The following BRAF variants were observed in gnomAD, a reference collection of about 807,000 sequenced individuals.
BRAF encodes B-Raf proto-oncogene, serine/threonine kinase.
Under a neutral mutation model 104.6 loss-of-function variants are expected in BRAF, and 16 were observed. The observed-to-expected ratio is 0.15, with a 90% CI of 0.10 to 0.23. The LOEUF (loss-of-function observed/expected upper bound fraction) is 0.23, where lower values mean the gene tolerates loss of function less well. BRAF is among the 10% of genes least tolerant of loss of function. The pLI, the probability that BRAF is intolerant of heterozygous loss-of-function variation, is 1.00. For synonymous variants in BRAF, 310 were observed against 341.6 expected (o/e 0.91, Z 1.02); for missense variants, 541 against 937.3 (o/e 0.58, Z 5.52).
intron 15 of BRAF, chr7:140,753,812 C>T: frequency 3.1e-6 from 1 of 325,456 alleles, no homozygotes. Context: ...GTTTTTCTCA[C>T]CTCATTGTTA....
rs1481388985 is a variant in BRAF, at chr7:140,782,630, G to A, written c.1434+391C>T. Among the ~76,000 whole-genome samples the A allele has an allele frequency of 3.3e-5, 5 of 152,138 alleles. No individual in the cohort carries two copies. In the East Asian group the frequency reaches 9.6e-4, roughly 29 times the overall value. On this transcript the variant is annotated intron_variant, in intron 11 of 19. Transcript: ENST00000644969. The stretch of plus-strand genomic sequence containing the variant: ...CAGAATGTGCAGGTTTGTTACATAC[G>A]TATACATGTGCCATGGTGGATTCAT...
At chr7:140,904,082 G>C (rs1244761522) in intron 1 of BRAF, among the ~76,000 whole-genome samples, 1 of 152,358 alleles carries the variant, frequency 6.6e-6, no homozygotes, top group South Asian at 2.1e-4. Flanking sequence ...TGAAGCACTG[G>C]CAGATCTGAG....
At chr7:140,798,854 T>A (rs1002197920) in intron 7 of BRAF, among the ~76,000 whole-genome samples, 1 of 152,026 alleles carries the variant, frequency 6.6e-6, no homozygotes, top group Non-Finnish European at 1.5e-5. Flanking sequence ...TTGCATTATT[T>A]TTATTTTTTT....
intron 10 of BRAF, chr7:140,783,571 A>G: frequency 4.3e-6 from 1 of 231,280 alleles, no homozygotes; most frequent in Non-Finnish European, 8.5e-6. Context: ...TATTACCTCA[A>G]CAGCCAATCA....
chr7:140,850,225 T>G lies in BRAF; in HGVS notation c.139-13A>C. 2 of 1,556,994 alleles carry G rather than the reference T, an allele frequency of 1.3e-6. No homozygotes were observed. Among genetic ancestry groups the G allele is most frequent in the Non-Finnish European group, 1.8e-6 (2 of 1,131,092 alleles). On this transcript the variant is annotated splice_polypyrimidine_tract_variant and intron_variant, in intron 1 of 19. Coordinates refer to ENST00000644969, the MANE Select transcript of BRAF (RefSeq NM_001374258.1). The stretch of plus-strand genomic sequence containing the variant: ...TGATATTCCACACCTAAAAAATATT[T>G]CAAAAGAATTTAAATAAAAATCACT...
intron 1 of BRAF, among the ~76,000 whole-genome samples, chr7:140,896,320 AT>A: frequency 1.3e-5 from 2 of 152,108 alleles, no homozygotes; most frequent in Middle Eastern, 6.8e-3. Context: ...AAAAAAATAT[AT>A]TTTTTTCTAA....
At position 140,884,429 on chromosome 7, in the gene BRAF, ATGTGTGTGTGTGTGTGTGTGTGTG is replaced by A. The variant is rs71170770; in HGVS notation, c.139-34241_139-34218del. Among the ~76,000 whole-genome samples the A allele has an allele frequency of 4.7e-5, 6 of 127,528 alleles. No individual in the cohort carries two copies. The South Asian group carries it at 1.5e-3, about 32-fold the overall frequency. 83.7% of individuals were successfully genotyped at this position (127,528 alleles called of 152,430 possible). A position where few individuals can be genotyped will look rare whatever the true frequency, so the allele number is the denominator to read the frequency against. On this transcript the variant is annotated intron_variant, in intron 1 of 19. Transcript: ENST00000644969. ...AGGATCTCTTATATATATATAAGAT[ATGTGTGTGTGTGTGTGTGTGTGTG>A]TGTGTGTGTGTGTGTGTGTGTGTAT...
chr7:140,834,551 C>T, intron 3 of BRAF, 58 bp downstream of exon 3: 1 of 1,594,398 alleles, frequency 6.3e-7, no homozygotes, highest in Non-Finnish European at 8.6e-7. Context: ...TTTTCAACAA[C>T]TGATCTGTCT....
chr7:140,819,653 A>G (rs1805262909), intron 3 of BRAF, among the ~76,000 whole-genome samples: 1 of 152,250 alleles, frequency 6.6e-6, no homozygotes, highest in Non-Finnish European at 1.5e-5. Flanking sequence ...ACTGAGCCAT[A>G]AGAAGGCATG....
chr7:140,877,928 A>G (rs1217594656), intron 1 of BRAF, among the ~76,000 whole-genome samples: 1 of 152,124 alleles, frequency 6.6e-6, no homozygotes, highest in East Asian at 1.9e-4. Flanking sequence ...CTAGTAGCAA[A>G]TTCTATCAGG....
intron 1 of BRAF, among the ~76,000 whole-genome samples, chr7:140,913,773 C>G (rs1280065116): frequency 6.6e-6 from 1 of 152,044 alleles, no homozygotes; most frequent in African/African-American, 2.4e-5. Context: ...TGAGCCACTG[C>G]GCCCGGCCAA....
intron 18 of BRAF, among the ~76,000 whole-genome samples, chr7:140,735,180 A>G (rs1340444296): frequency 1.3e-5 from 2 of 152,234 alleles, no homozygotes; most frequent in African/African-American, 4.8e-5. Context: ...GCACTTTATG[A>G]CTATCTCTAA....
Position 140,820,672 on chromosome 7 carries a change from G to A in BRAF, c.505-11677C>T, listed in dbSNP as rs1805379852. On this transcript the variant is annotated intron_variant, in intron 3 of 19. Coordinates refer to ENST00000644969, the MANE Select transcript of BRAF (RefSeq NM_001374258.1). ...ATATATCTCAGGGCCAGGTGCAGTGGTTCATGCCTATAATCCCAGCACTAT... is the reference window on the plus strand; with the variant it reads ...ATATATCTCAGGGCCAGGTGCAGTGATTCATGCCTATAATCCCAGCACTAT... Among the ~76,000 whole-genome samples, 4 of 152,244 alleles carry A rather than the reference G, an allele frequency of 2.6e-5. No individual in the cohort carries two copies. In the South Asian group the frequency reaches 8.3e-4, roughly 32 times the overall value.
chr7:140,778,067 C>T lies in BRAF; in HGVS notation c.1561G>A (p.Ala521Thr), dbSNP rs2129019707. The T allele has an allele frequency of 6.2e-7, 1 of 1,613,284 alleles. No individual in the cohort carries two copies. ...VYKGKWHGDVAVKMLNVTAPT... is the reference protein window; with the variant it reads ...VYKGKWHGDVTVKMLNVTAPT... ...GCTGTCACATTCAACATTTTCACTG[C>T]CACATCACCTAAAAGGCAATTGTTA... The change falls in exon 13 of 20, where the codon GCA (alanine) becomes ACA (threonine). Residue 521 changes from alanine (A) to threonine (T), a missense_variant. This residue lies in a region of BRAF where 109 missense variants were observed against 143.9 expected (regional missense o/e 0.76). Transcript: ENST00000644969.
At chr7:140,923,452 G>A (rs934282230) in intron 1 of BRAF, among the ~76,000 whole-genome samples, 9 of 152,028 alleles carry the variant, frequency 5.9e-5, no homozygotes, top group Non-Finnish European at 1.3e-4. Context: ...GTGCTAAGAG[G>A]CTGACTAATG....
In BRAF at chr7:140,924,655, C is replaced by G. The variant is rs1818675668; in HGVS notation, c.49G>C (p.Ala17Pro). ...GGGGGAEPGQ[A>P]LFNGDMEPEA... Reference sequence around the variant, plus strand: ...GGCTCCATGTCCCCGTTGAACAGAGCCTGGCCCGGCTCCGCGCCGCCACCA... The same window carrying G: ...GGCTCCATGTCCCCGTTGAACAGAGGCTGGCCCGGCTCCGCGCCGCCACCA... Residue 17 changes from alanine (A) to proline (P), a missense_variant, in exon 1 of 20, where the codon GCT becomes CCT. Ala to Pro is a conservative substitution (Grantham distance 27). Coordinates refer to ENST00000644969, the MANE Select transcript of BRAF (RefSeq NM_001374258.1). This position sits in a 1 kb window ranked among gnomAD's most constrained non-coding sequence, Gnocchi z 4.2. 1 of 1,402,912 alleles carries G rather than the reference C, an allele frequency of 7.1e-7. No individual in the cohort carries two copies. The allele number at this position is 1,402,912 out of a possible 1,614,324, so 86.9% of individuals were successfully genotyped here. A position where few individuals can be genotyped will look rare whatever the true frequency, so the allele number is the denominator to read the frequency against.
intron 17 of BRAF, chr7:140,741,518 CCTT>C (rs1251088306): frequency 6.6e-6 from 1 of 152,166 alleles, no homozygotes; most frequent in Non-Finnish European, 1.5e-5. Context: ...TAATAATGGT[CCTT>C]CTTCCCACCA....
At chr7:140,775,113 T>C (rs1022644535) in intron 14 of BRAF, among the ~76,000 whole-genome samples, 1 of 152,084 alleles carries the variant, frequency 6.6e-6, no homozygotes, top group African/African-American at 2.4e-5. Flanking sequence ...ATGTTAGTTA[T>C]ATAAGGTGAG....
At position 140,739,913 on chromosome 7, in the gene BRAF, G is replaced by C. The variant is rs1554389860; in HGVS notation, c.2146C>G (p.Pro716Ala). 1 of 1,613,706 alleles carries C rather than the reference G, an allele frequency of 6.2e-7. No individual in the cohort carries two copies. The highest frequency in any genetic ancestry group is 8.5e-7 in the Non-Finnish European group (1 of 1,179,894). ...IFMVGRGYLS[P>A]DLSKVRSNCP... ...TTACTCCGTACCTTACTGAGATCTG[G>C]AGACAGGTATCCTCGTCCCACCATA... The change falls in exon 18 of 20, where the codon CCA becomes GCA. Residue 716 changes from proline (P) to alanine (A), a missense_variant. By Grantham distance (27) the Pro-to-Ala change is conservative. This residue lies in a region of BRAF where 129 missense variants were observed against 285.8 expected (regional missense o/e 0.45). Transcript: ENST00000644969.
Sources: gnomAD v4.1 joint callset for allele counts (sites outside exome capture counted in the v4.1 genomes callset) on GRCh38, gnomAD v4.1.1 for gene constraint, gnomAD v4.1.1 regional missense constraint, Gnocchi (gnomAD v3.1) non-coding constraint, MANE v1.5 for transcripts, NCBI Gene and HGNC (gene_info 2026-07-23, HGNC 2026-07-21) for gene names.